The following BBOX1 variants were observed in gnomAD, a reference collection of about 807,000 sequenced individuals.
The protein encoded by BBOX1 is gamma-butyrobetaine dioxygenase.
In BBOX1, 35 loss-of-function variants were observed where a neutral mutation model predicts 41.6. The ratio of observed to expected loss-of-function variants is 0.84; its 90% CI spans 0.64 to 1.11. The LOEUF (loss-of-function observed/expected upper bound fraction) is 1.11. BBOX1 is among the 50% of genes most tolerant of loss of function. BBOX1 has a pLI of 0.00. For missense variants in BBOX1, 458 were observed against 460.6 expected (o/e 0.99, Z 0.05); for synonymous variants, 163 against 154.7 (o/e 1.05, Z -0.40).
At chr11:27,095,252 C>T (rs1257806863) in intron 5 of BBOX1, among the ~76,000 whole-genome samples, 1 of 151,982 alleles carries the variant, frequency 6.6e-6, no homozygotes, top group Non-Finnish European at 1.5e-5. Context: ...CTTTTTGTAT[C>T]TGTTCCAAGG....
intron 4 of BBOX1, among the ~76,000 whole-genome samples, chr11:27,088,331 C>T (rs1307829921): frequency 1.3e-5 from 2 of 151,958 alleles, no homozygotes; most frequent in Admixed American, 6.6e-5. Context: ...TGATAATGAC[C>T]TTAAGTAAAA....
At chr11:27,126,863 A>G (rs1859677314) in intron 8 of BBOX1, among the ~76,000 whole-genome samples, 1 of 151,932 alleles carries the variant, frequency 6.6e-6, no homozygotes, top group South Asian at 2.1e-4. Flanking sequence ...TTTAGTAGAG[A>G]CAGGGTTTCA....
intron 5 of BBOX1, among the ~76,000 whole-genome samples, chr11:27,099,068 C>T (rs1858549413): frequency 6.6e-6 from 1 of 151,844 alleles, no homozygotes; most frequent in Non-Finnish European, 1.5e-5. Context: ...TTGTAGACTT[C>T]CATCTGAACA....
chr11:27,103,520 T>C (rs1454185403), intron 5 of BBOX1, among the ~76,000 whole-genome samples: 1 of 152,212 alleles, frequency 6.6e-6, no homozygotes, highest in East Asian at 1.9e-4. Context: ...TCTTATCTCC[T>C]AGTTACGTTT....
intron 5 of BBOX1, among the ~76,000 whole-genome samples, chr11:27,109,828 G>A (rs1564985189): frequency 6.6e-6 from 1 of 151,992 alleles, no homozygotes; most frequent in Non-Finnish European, 1.5e-5. Flanking sequence ...CAGAGGCAGG[G>A]TAGAATACCA....
At chr11:27,047,760 G>A (rs1851531132) in intron 2 of BBOX1, among the ~76,000 whole-genome samples, 1 of 151,862 alleles carries the variant, frequency 6.6e-6, no homozygotes, top group South Asian at 2.1e-4. Context: ...AATTACAGTA[G>A]ATTTTTTCTT....
chr11:27,068,204 C>A (rs1002777509), intron 4 of BBOX1, among the ~76,000 whole-genome samples: 1 of 151,830 alleles, frequency 6.6e-6, no homozygotes, highest in East Asian at 1.9e-4. Flanking sequence ...ACAGTGAACG[C>A]TTCCCTTTTC....
At chr11:27,122,788 GTT>G (rs140084475) in intron 7 of BBOX1, among the ~76,000 whole-genome samples, 1 of 147,942 alleles carries the variant, frequency 6.8e-6, no homozygotes, top group East Asian at 2.0e-4. Context: ...CCTTTCTTTG[GTT>G]TTTTTTTTGT....
chr11:27,061,809 C>T (rs1038461332), intron 4 of BBOX1, among the ~76,000 whole-genome samples: 2 of 152,240 alleles, frequency 1.3e-5, no homozygotes, highest in Admixed American at 6.5e-5. Flanking sequence ...AAGGAAGACA[C>T]GGATAATTAT....
At chr11:27,041,666 T>G (rs1362728667) in intron 2 of BBOX1, among the ~76,000 whole-genome samples, 188 bp downstream of exon 2, 1 of 152,144 alleles carries the variant, frequency 6.6e-6, no homozygotes, top group East Asian at 1.9e-4. Context: ...GGATGGTCCA[T>G]CAAGCATTTA....
intron 5 of BBOX1, among the ~76,000 whole-genome samples, chr11:27,115,124 T>C (rs1859210966): frequency 6.6e-6 from 1 of 151,968 alleles, no homozygotes; most frequent in Non-Finnish European, 1.5e-5. Context: ...TTTTCTGTTA[T>C]GTGAACTTCA....
chr11:27,082,837 T>C (rs1210163486), intron 4 of BBOX1, among the ~76,000 whole-genome samples: 1 of 152,208 alleles, frequency 6.6e-6, no homozygotes, highest in Non-Finnish European at 1.5e-5. Flanking sequence ...TAATTCTTGT[T>C]TTCTTCAGAT....
At chr11:27,066,222 TTTTTGTTTTG>T (rs370720020) in intron 4 of BBOX1, among the ~76,000 whole-genome samples, 12 of 152,008 alleles carry the variant, frequency 7.9e-5, no homozygotes, top group Admixed American at 2.0e-4. Flanking sequence ...GGTTTTTTGG[TTTTTGTTTTG>T]TTTTGTTTTG....
At chr11:27,053,988 T>C (rs1214136773) in intron 2 of BBOX1, among the ~76,000 whole-genome samples, 1 of 152,196 alleles carries the variant, frequency 6.6e-6, no homozygotes, top group Admixed American at 6.5e-5. Flanking sequence ...TTGACTAAAT[T>C]ATCCAAGCCA....
intron 4 of BBOX1, among the ~76,000 whole-genome samples, chr11:27,087,337 C>G (rs566724852): frequency 6.6e-6 from 1 of 152,206 alleles, no homozygotes; most frequent in African/African-American, 2.4e-5. Context: ...TCACCAACTT[C>G]CACTCTGATC....
In BBOX1 at chr11:27,057,063, TTAA is replaced by T. The variant is rs1172388307; in HGVS notation, c.220-137_220-135del. 1.4e-4 allele frequency: 21 copies of T among 149,862 alleles called. 2 individuals carry two copies. In the East Asian group the frequency reaches 1.4e-3, roughly 10 times the overall value. The allele number at this position is 149,862 out of a possible 1,614,324, so 9.3% of individuals were successfully genotyped here. On this transcript the variant is annotated intron_variant, in intron 3 of 8. Transcript: ENST00000263182. ...CCTGGCAACAGAGGAAGACTCCGAC[TTAA>T]AAAAAAAAAAAAAAAAAAATTAAGC...
intron 2 of BBOX1, among the ~76,000 whole-genome samples, chr11:27,044,029 A>G (rs978316287): frequency 2.0e-5 from 3 of 152,194 alleles, no homozygotes; most frequent in Admixed American, 6.5e-5. Flanking sequence ...ACTGTCTTCC[A>G]CAATGTTTGA....
chr11:27,102,836 T>A (rs937206155), intron 5 of BBOX1, among the ~76,000 whole-genome samples: 1 of 152,168 alleles, frequency 6.6e-6, no homozygotes. Flanking sequence ...AATTATTGGG[T>A]CACAGCATCT....
chr11:27,082,892 G>T (rs748430708), intron 4 of BBOX1, among the ~76,000 whole-genome samples: 2 of 152,074 alleles, frequency 1.3e-5, no homozygotes, highest in African/African-American at 2.4e-5. Flanking sequence ...GACTATGTTA[G>T]TATTAGTGTT....
Sources: allele counts gnomAD v4.1 joint callset (sites outside exome capture counted in the v4.1 genomes callset), GRCh38; gene constraint gnomAD v4.1.1; transcripts MANE v1.5; gene names NCBI Gene and HGNC (gene_info 2026-07-23, HGNC 2026-07-21).